Variants in PPHLN1 observed in about 807,000 individuals in gnomAD.
The protein encoded by PPHLN1 is periphilin-1.
Under a neutral mutation model 51.3 loss-of-function variants are expected in PPHLN1, and 29 were observed. The observed-to-expected ratio is 0.57, with a 90% CI of 0.42 to 0.77. The LOEUF (loss-of-function observed/expected upper bound fraction) is 0.77, where lower values mean the gene tolerates loss of function less well. Among genes scored for constraint, PPHLN1 ranks in the 30% least tolerant of loss-of-function variants. The probability of loss-of-function intolerance (pLI) is 0.00; values close to 1 mark genes in which losing one functional copy is unlikely to be tolerated. For synonymous variants in PPHLN1, 147 were observed against 147.8 expected (o/e 0.99, Z 0.04); for missense variants, 436 against 438.4 (o/e 0.99, Z 0.05).
At chr12:42,372,196 A>T (rs1468771393) in intron 4 of PPHLN1, among the ~76,000 whole-genome samples, 1 of 152,186 alleles carries the variant, frequency 6.6e-6, no homozygotes, top group Non-Finnish European at 1.5e-5. Context: ...TACTTATGAA[A>T]ATTGAGGCCT....
intron 2 of PPHLN1, among the ~76,000 whole-genome samples, chr12:42,340,848 A>G (rs2071372900): frequency 6.6e-6 from 1 of 152,200 alleles, no homozygotes; most frequent in Non-Finnish European, 1.5e-5. Flanking sequence ...AAAACTAGTT[A>G]AGTTGATAAC....
chr12:42,355,924 TA>T (rs1312796120), intron 4 of PPHLN1, among the ~76,000 whole-genome samples: 1 of 152,212 alleles, frequency 6.6e-6, no homozygotes, highest in African/African-American at 2.4e-5. Context: ...CAAAGTCTAT[TA>T]TAAGGCATCT....
chr12:42,437,103 C>T (rs1210310172), intron 9 of PPHLN1, among the ~76,000 whole-genome samples: 8 of 152,130 alleles, frequency 5.3e-5, no homozygotes, highest in African/African-American at 1.9e-4. Context: ...AGCTCTTTCC[C>T]TCTTTGTTAA....
intron 5 of PPHLN1, among the ~76,000 whole-genome samples, chr12:42,380,135 C>T (rs1021198717): frequency 6.6e-6 from 1 of 151,970 alleles, no homozygotes; most frequent in Non-Finnish European, 1.5e-5. Context: ...TGTAAATCCC[C>T]GGTGGCTCCT....
intron 8 of PPHLN1, among the ~76,000 whole-genome samples, chr12:42,396,304 T>TAA (rs141496037): frequency 6.6e-6 from 1 of 151,896 alleles, no homozygotes; most frequent in African/African-American, 2.4e-5. Context: ...AAGGCACACT[T>TAA]AAAAAATACT....
chr12:42,366,349 T>C (rs919553458), intron 4 of PPHLN1, among the ~76,000 whole-genome samples: 1 of 149,720 alleles, frequency 6.7e-6, no homozygotes, highest in East Asian at 2.0e-4. Context: ...TGCCTCAGCC[T>C]CCTGAGTAGT....
intron 9 of PPHLN1, among the ~76,000 whole-genome samples, chr12:42,425,187 C>G (rs532176297): frequency 6.6e-6 from 1 of 151,550 alleles, no homozygotes; most frequent in East Asian, 1.9e-4. Context: ...TCAAGCAATT[C>G]TCCCACCTCA....
At chr12:42,381,560 A>G (rs1279754768) in intron 5 of PPHLN1, among the ~76,000 whole-genome samples, 2 of 152,198 alleles carry the variant, frequency 1.3e-5, no homozygotes, top group Admixed American at 6.5e-5. Context: ...TCTTGAGGGA[A>G]GCAGAGGTGA....
chr12:42,438,969 A>G (rs1423029075), intron 9 of PPHLN1, among the ~76,000 whole-genome samples: 2 of 152,210 alleles, frequency 1.3e-5, no homozygotes, highest in East Asian at 1.9e-4. Flanking sequence ...GTGTTTTGCA[A>G]AGATTTTCTC....
intron 9 of PPHLN1, among the ~76,000 whole-genome samples, chr12:42,436,424 T>A (rs1478658859): frequency 6.6e-6 from 1 of 152,234 alleles, no homozygotes; most frequent in African/African-American, 2.4e-5. Context: ...CACTTGCGTT[T>A]ATTTCTTCAG....
chr12:42,340,248 G>T (rs2071268103), intron 2 of PPHLN1, among the ~76,000 whole-genome samples: 1 of 150,904 alleles, frequency 6.6e-6, no homozygotes, highest in Admixed American at 6.6e-5. Flanking sequence ...AGTTGAGGCT[G>T]CAGTGAGCTG....
intron 2 of PPHLN1, chr12:42,347,148 A>T (rs1031736642): frequency 4.6e-5 from 7 of 152,232 alleles, no homozygotes; most frequent in African/African-American, 1.7e-4. Flanking sequence ...GCTATTGGCT[A>T]CTGTTCTCCC....
At chr12:42,332,174 C>A (rs1396098390) in intron 1 of PPHLN1, among the ~76,000 whole-genome samples, 1 of 151,854 alleles carries the variant, frequency 6.6e-6, no homozygotes, top group African/African-American at 2.4e-5. Flanking sequence ...ACTGCATTCC[C>A]GCCTGGGCAA....
intron 8 of PPHLN1, chr12:42,398,572 A>C (rs2139293741): frequency 4.0e-6 from 1 of 250,968 alleles, no homozygotes; most frequent in Non-Finnish European, 7.6e-6. Context: ...CACATGCACT[A>C]AAAATTGGAA....
At chr12:42,344,809 A>G (rs2072044581) in intron 2 of PPHLN1, among the ~76,000 whole-genome samples, 1 of 151,212 alleles carries the variant, frequency 6.6e-6, no homozygotes, top group Non-Finnish European at 1.5e-5. Flanking sequence ...CCCAGGCTCA[A>G]GCAGTTTTTG....
intron 9 of PPHLN1, among the ~76,000 whole-genome samples, chr12:42,438,676 A>T (rs1191149693): frequency 6.6e-6 from 1 of 152,190 alleles, no homozygotes; most frequent in African/African-American, 2.4e-5. Flanking sequence ...ATCTCAGCTC[A>T]CCGCAACCCC....
At chr12:42,361,804 A>G (rs1438366297) in intron 4 of PPHLN1, 1 of 152,208 alleles carries the variant, frequency 6.6e-6, no homozygotes, top group Non-Finnish European at 1.5e-5. Flanking sequence ...AATTGTTTTC[A>G]ACTTTTGGCA....
At chr12:42,405,339 G>A (rs1211856045) in intron 9 of PPHLN1, among the ~76,000 whole-genome samples, 2 of 152,188 alleles carry the variant, frequency 1.3e-5, no homozygotes, top group Admixed American at 1.3e-4. Flanking sequence ...GAGAACAAAT[G>A]TGTATGTTTT....
chr12:42,431,956 T>G, intron 9 of PPHLN1: 2 of 1,485,564 alleles, frequency 1.3e-6, no homozygotes, highest in East Asian at 2.3e-5. Context: ...GTGATGAGAT[T>G]TGCTGGCATC....
Sources: gnomAD v4.1 joint callset for allele counts (sites outside exome capture counted in the v4.1 genomes callset) on GRCh38, gnomAD v4.1.1 for gene constraint, MANE v1.5 for transcripts, NCBI Gene and HGNC (gene_info 2026-07-23, HGNC 2026-07-21) for gene names.